The following DNAJB13 variants were observed in gnomAD, a reference collection of about 807,000 sequenced individuals.
The protein encoded by DNAJB13 is DnaJ heat shock protein family (Hsp40) member B13, also known as dnaJ homolog subfamily B member 13.
A neutral mutation model predicts 35.6 loss-of-function variants in DNAJB13; 22 were observed. The observed-to-expected ratio is 0.62, with a 90% CI of 0.44 to 0.88. The LOEUF is 0.88. Among genes scored for constraint, DNAJB13 ranks in the 40% least tolerant of loss-of-function variants. The pLI, the probability that DNAJB13 is intolerant of heterozygous loss-of-function variation, is 0.00. For missense variants in DNAJB13, 370 were observed against 384.3 expected (o/e 0.96, Z 0.31); for synonymous variants, 136 against 144.2 (o/e 0.94, Z 0.41).
chr11:73,965,197 C>T (rs752672755), intron 4 of DNAJB13, 162 bp downstream of exon 4: 3 of 818,686 alleles, frequency 3.7e-6, no homozygotes, highest in East Asian at 2.9e-5. Context: ...ATCTGAAATT[C>T]GGAAGGGACA....
In DNAJB13 at chr11:73,963,165, AAAACAAAC is replaced by A. The variant is rs546266686; in HGVS notation, c.335-1701_335-1694del. Among the ~76,000 whole-genome samples, 34 of 152,110 alleles carry A rather than the reference AAAACAAAC, an allele frequency of 2.2e-4. No individual in the cohort carries two copies. In the South Asian group the frequency reaches 6.8e-3, roughly 31 times the overall value. ...CCATGGAGAAAACCCATCTCTACTA[AAAACAAAC>A]AAACAAACAAAAACAAAAAAACAAA... On this transcript the variant is annotated intron_variant, in intron 3 of 7. Coordinates refer to ENST00000339764, the MANE Select transcript of DNAJB13 (RefSeq NM_153614.4).
chr11:73,958,335 T>C lies in DNAJB13; in HGVS notation c.87T>C (p.Leu29=), dbSNP rs200386171. ...CTTCCAGGTACCGCAGACTCGCCCT[T>C]AAGCACCACCCGTTGAAGTCAAATG... is the stretch of plus-strand genomic sequence containing the variant. ...QIKQAYRRLA[L]KHHPLKSNEP... The change falls in exon 2 of 8, where the codon CTT becomes CTC. Residue 29 remains leucine, a synonymous_variant. Transcript: ENST00000339764. 124 of 1,614,088 alleles carry C rather than the reference T, an allele frequency of 7.7e-5. No homozygotes were observed. The East Asian group carries it at 2.7e-3, about 35-fold the overall frequency.
At chr11:73,957,820 A>G (rs1468832736) in intron 1 of DNAJB13, among the ~76,000 whole-genome samples, 1 of 152,232 alleles carries the variant, frequency 6.6e-6, no homozygotes, top group Non-Finnish European at 1.5e-5. Context: ...AAACAGGATT[A>G]GATGAGCAGG....
At chr11:73,966,578 T>A (rs973601505) in intron 5 of DNAJB13, among the ~76,000 whole-genome samples, 1 of 152,242 alleles carries the variant, frequency 6.6e-6, no homozygotes, top group Non-Finnish European at 1.5e-5. Context: ...AACTCCAGTG[T>A]TTTCCTGATT....
chr11:73,968,581 A>G (rs1591209276), intron 6 of DNAJB13, 123 bp downstream of exon 6: 5 of 757,356 alleles, frequency 6.6e-6, no homozygotes, highest in Non-Finnish European at 8.7e-6. Flanking sequence ...TGTGGATTCC[A>G]CCCTCTAAAT....
intron 1 of DNAJB13, 74 bp from the exon 2 acceptor site, chr11:73,958,243 G>T: frequency 2.0e-6 from 3 of 1,466,324 alleles, no homozygotes; most frequent in Non-Finnish European, 1.9e-6. Flanking sequence ...TGAACAGAGT[G>T]CCGGCTCTGA....
At chr11:73,964,815 G>GCCCGCGCGCC (rs1554992104) in intron 3 of DNAJB13, 63 bp from the exon 4 acceptor site, 1 of 974,090 alleles carries the variant, frequency 1.0e-6, no homozygotes, top group Non-Finnish European at 1.5e-6. Flanking sequence ...GTGTGTGTGC[G>GCCCGCGCGCC]CGCGCGCGCA....
chr11:73,958,354 T>C lies in DNAJB13; in HGVS notation c.106T>C (p.Ser36Pro), dbSNP rs144741417. Residue 36 changes from serine to proline, a missense_variant, in exon 2 of 8, where the codon TCA becomes CCA. Ser to Pro is a moderately conservative substitution (Grantham distance 74). Transcript: ENST00000339764. ...CGCCCTTAAGCACCACCCGTTGAAG[T>C]CAAATGAGCCGTCTTCAGCAGAGAT... ...RLALKHHPLKSNEPSSAEIFR... is the reference protein window; with the variant it reads ...RLALKHHPLKPNEPSSAEIFR... The C allele has an allele frequency of 3.4e-5, 55 of 1,614,084 alleles. No individual in the cohort carries two copies. The East Asian group carries it at 1.2e-3, about 35-fold the overall frequency.
intron 3 of DNAJB13, among the ~76,000 whole-genome samples, chr11:73,963,388 C>T (rs1014551980): frequency 2.0e-5 from 3 of 151,908 alleles, no homozygotes; most frequent in Non-Finnish European, 4.4e-5. Context: ...AGGGGCTTTG[C>T]AGTCCAAAAA....
chr11:73,963,361 A>G (rs1237747977), intron 3 of DNAJB13, among the ~76,000 whole-genome samples: 1 of 152,014 alleles, frequency 6.6e-6, no homozygotes, highest in African/African-American at 2.4e-5. Context: ...AAAAAAAGAA[A>G]AAAGAAAAAA....
chr11:73,959,748 TTATTA>T lies in DNAJB13; in HGVS notation c.334+95_334+99del, dbSNP rs112136608. 0.067 allele frequency: 81,361 copies of T among 1,212,750 alleles called. 4,123 individuals carry two copies. The highest frequency in any genetic ancestry group is 0.2 in the South Asian group (8,434 of 42,776). The allele number at this position is 1,212,750 out of a possible 1,614,324, so 75.1% of individuals were successfully genotyped here. ...GAGTAGTTTTGTTTTTATTTTTACTTTATTATTTTATTTTATTTACTTATTTTTTT... is the reference window on the plus strand; with the variant it reads ...GAGTAGTTTTGTTTTTATTTTTACTTTTTTATTTTATTTACTTATTTTTTT... On this transcript the variant is annotated intron_variant, in intron 3 of 7. Coordinates refer to ENST00000339764, the MANE Select transcript of DNAJB13 (RefSeq NM_153614.4).
chr11:73,957,610 G>C (rs1950788522), intron 1 of DNAJB13, among the ~76,000 whole-genome samples: 1 of 152,182 alleles, frequency 6.6e-6, no homozygotes, highest in South Asian at 2.1e-4. Context: ...GAAGTCAAAT[G>C]AGCCGTCTTC....
chr11:73,960,932 C>T (rs1010661794), intron 3 of DNAJB13, among the ~76,000 whole-genome samples: 1 of 152,110 alleles, frequency 6.6e-6, no homozygotes. Flanking sequence ...ATTGCAGAAG[C>T]AAATACTGTT....
chr11:73,968,000 T>C (rs1042627451), intron 5 of DNAJB13: 4 of 445,286 alleles, frequency 9.0e-6, no homozygotes, highest in African/African-American at 2.0e-5. Flanking sequence ...AGGGGTGTCA[T>C]GCCTGGAGTT....
At chr11:73,959,353 C>T in intron 2 of DNAJB13, 141 bp from the exon 3 acceptor site, 1 of 908,720 alleles carries the variant, frequency 1.1e-6, no homozygotes, top group East Asian at 2.8e-5. Flanking sequence ...GGTCTCATTC[C>T]AAAGACTGCC....
Position 73,955,935 on chromosome 11 carries a change from C to G in DNAJB13, c.69-2382C>G, listed in dbSNP as rs113958785. Among the ~76,000 whole-genome samples, 445 of 152,270 alleles carry G rather than the reference C, an allele frequency of 2.9e-3. 2 individuals are homozygous for G. The highest frequency in any genetic ancestry group is 9.4e-3 in the African/African-American group (390 of 41,544). ...AAGGTCCCCAGGGCACAGCCAGGAC[C>G]CTTATGGATGGAGGGGCAGTTGCAG... is the stretch of plus-strand genomic sequence containing the variant. On this transcript the variant is annotated intron_variant, in intron 1 of 7. Coordinates refer to ENST00000339764, the MANE Select transcript of DNAJB13 (RefSeq NM_153614.4).
At chr11:73,960,273 G>C (rs1453700711) in intron 3 of DNAJB13, among the ~76,000 whole-genome samples, 5 of 152,158 alleles carry the variant, frequency 3.3e-5, no homozygotes, top group Non-Finnish European at 5.9e-5. Context: ...CGCCTCCGGG[G>C]TTCAAGCAGT....
Position 73,968,361 on chromosome 11 carries a change from C to T in DNAJB13, c.623C>T (p.Pro208Leu). Residue 208 changes from proline to leucine, a missense_variant, in exon 6 of 8, where the codon CCA becomes CTA. Coordinates refer to ENST00000339764, the MANE Select transcript of DNAJB13 (RefSeq NM_153614.4). The stretch of plus-strand genomic sequence containing the variant: ...CCTGCCCAGGGCCCCAACATCATCC[C>T]AGCAGACATCATTTTCATCGTAAAG... ...KEGDQGPNIIPADIIFIVKEK... is the reference protein window; with the variant it reads ...KEGDQGPNIILADIIFIVKEK... 1 of 1,614,154 alleles carries T rather than the reference C, an allele frequency of 6.2e-7. No homozygotes were observed. The highest frequency in any genetic ancestry group is 1.1e-5 in the South Asian group (1 of 91,082).
intron 1 of DNAJB13, among the ~76,000 whole-genome samples, chr11:73,957,041 T>TG (rs1359801302): frequency 2.0e-5 from 3 of 151,632 alleles, no homozygotes; most frequent in Admixed American, 6.6e-5. Flanking sequence ...GGAGGCAAGG[T>TG]GGGGGGTCAC....
Sources: gnomAD v4.1 joint callset for allele counts (sites outside exome capture counted in the v4.1 genomes callset) on GRCh38, gnomAD v4.1.1 for gene constraint, MANE v1.5 for transcripts, NCBI Gene and HGNC (gene_info 2026-07-23, HGNC 2026-07-21) for gene names.